The following GON4L variants were observed in gnomAD, a reference collection of about 807,000 sequenced individuals.
GON4L encodes gon-4 like, also known as GON-4-like protein.
Under a neutral mutation model 211.8 loss-of-function variants are expected in GON4L, and 87 were observed. The ratio of observed to expected loss-of-function variants is 0.41; its 90% CI spans 0.35 to 0.49. The LOEUF (loss-of-function observed/expected upper bound fraction) is 0.49, where lower values mean the gene tolerates loss of function less well. Ranked by LOEUF, GON4L falls within the 20% of genes least tolerant of loss-of-function variation. GON4L has a pLI of 0.15. For missense variants in GON4L, 2,155 were observed against 2,659.5 expected (o/e 0.81, Z 4.17); for synonymous variants, 875 against 962.6 (o/e 0.91, Z 1.68).
intron 2 of GON4L, chr1:155,845,376 G>C (rs1331331688): frequency 3.8e-6 from 1 of 263,578 alleles, no homozygotes; most frequent in Non-Finnish European, 7.6e-6. Flanking sequence ...TGTATCATGA[G>C]GCTGGACCTG....
Position 155,765,921 on chromosome 1 carries a change from C to T in GON4L, c.3552G>A (p.Leu1184=). 2 of 1,614,078 alleles carry T rather than the reference C, an allele frequency of 1.2e-6. No individual in the cohort carries two copies. The highest frequency in any genetic ancestry group is 1.7e-5 in the Admixed American group (1 of 60,002). ...GACAGGGGAAGGAAGTAGGGTTAAC[C>T]AAGAGGGTAGTGATGGGAATAGTCT... is the stretch of plus-strand genomic sequence containing the variant. ...SPQTIPITTL[L]VNPTSFPCPL... Residue 1184 remains leucine, a synonymous_variant, in exon 21 of 32, where the codon TTG becomes TTA. Coordinates refer to ENST00000368331, the MANE Select transcript of GON4L (RefSeq NM_001282860.2).
chr1:155,752,698 G>C, intron 29 of GON4L, 108 bp from the exon 30 acceptor site: 2 of 1,514,376 alleles, frequency 1.3e-6, no homozygotes, highest in Admixed American at 3.9e-5. Context: ...TAAAAAAGAG[G>C]GCTGGGCATG....
intron 10 of GON4L, among the ~76,000 whole-genome samples, chr1:155,810,514 T>C (rs1667654210): frequency 6.6e-6 from 1 of 151,012 alleles, no homozygotes; most frequent in South Asian, 2.1e-4. Flanking sequence ...GAGACCATCC[T>C]GGCTAACACA....
At position 155,766,096 on chromosome 1, in the gene GON4L, T is replaced by G. The variant is rs141121842; in HGVS notation, c.3377A>C (p.Lys1126Thr). 2,856 of 1,614,154 alleles carry G rather than the reference T, an allele frequency of 1.8e-3. 6 individuals carry two copies. The highest frequency in any genetic ancestry group is 2.0e-3 in the Non-Finnish European group (2,370 of 1,180,016). ...RRRPSKRRGV[K>T]ASPCMKPAPV... is the part of the protein sequence containing the mutation. ...GGCAGGTTTCATACAGGGAGAGGCC[T>G]TGACTCCTCTTCTCTTTGAGGGTCT... The change falls in exon 21 of 32, where the codon AAG (lysine) becomes ACG (threonine). Residue 1126 changes from lysine (K) to threonine (T), a missense_variant. Lys to Thr is a moderately conservative substitution (Grantham distance 78, BLOSUM62 -1). Coordinates refer to ENST00000368331, the MANE Select transcript of GON4L (RefSeq NM_001282860.2).
intron 10 of GON4L, among the ~76,000 whole-genome samples, chr1:155,807,703 C>CAAAAA (rs61248477): frequency 0.082 from 4,315 of 52,864 alleles, 1,277 homozygotes; most frequent in East Asian, 0.66. Flanking sequence ...GACTCCGTCT[C>CAAAAA]AAAAAAAAAA....
At chr1:155,834,089 G>A (rs1223638891) in intron 2 of GON4L, among the ~76,000 whole-genome samples, 1 of 152,052 alleles carries the variant, frequency 6.6e-6, no homozygotes, top group Non-Finnish European at 1.5e-5. Flanking sequence ...CTTCCAAAGT[G>A]TTGGGATTAC....
At chr1:155,775,774 T>C (rs755174183) in intron 16 of GON4L, among the ~76,000 whole-genome samples, 7 of 151,940 alleles carry the variant, frequency 4.6e-5, no homozygotes, top group Admixed American at 6.6e-5. Flanking sequence ...TTAGGACTAT[T>C]ACTTTTATTT....
rs747379703 is a variant in GON4L, at chr1:155,765,337, T to A, written c.4136A>T (p.Lys1379Met). Reference protein sequence around the residue: ...GEVTKQTVLQKEEERSQPTKT... With the variant: ...GEVTKQTVLQMEEERSQPTKT... ...AGTTGGCTGACTCCTCTCCTCTTCC[T>A]TCTGTAAGACTGTCTGTTTCGTTAC... The change falls in exon 21 of 32, where the codon AAG (lysine) becomes ATG (methionine). Residue 1379 changes from lysine (K) to methionine (M), a missense_variant. Physicochemically the swap from Lys to Met is moderately conservative, Grantham distance 95. Around this residue, in one of 6 missense-constraint regions of GON4L, gnomAD observed 615 missense variants for 625.7 expected, o/e 0.98. Transcript: ENST00000368331. 1.9e-6 allele frequency: 3 copies of A among 1,614,228 alleles called. No individual in the cohort carries two copies. Among genetic ancestry groups the A allele is most frequent in the African/African-American group, 1.3e-5 (1 of 75,062 alleles).
chr1:155,847,997 T>C (rs11264417), intron 2 of GON4L, among the ~76,000 whole-genome samples: 133,497 of 144,012 alleles, frequency 0.93, 62,576 homozygotes, highest in Non-Finnish European at 1. Flanking sequence ...TGGTTTAAAA[T>C]GGGAGGATCT....
At chr1:155,746,985 A>G (rs1239221217), downstream of GON4L, 1 of 1,591,892 alleles carries the variant, frequency 6.3e-7, no homozygotes, top group Non-Finnish European at 8.5e-7. Context: ...ATATTTTGGG[A>G]AAAAGCACTC....
At chr1:155,782,884 C>T (rs1408556114) in intron 14 of GON4L, among the ~76,000 whole-genome samples, 1 of 152,022 alleles carries the variant, frequency 6.6e-6, no homozygotes, top group Non-Finnish European at 1.5e-5. Context: ...GGTCTCGACT[C>T]CTAACCTGAG....
In GON4L at chr1:155,800,533, G is replaced by A. The variant is rs144478188; in HGVS notation, c.1645+4416C>T. Among the ~76,000 whole-genome samples the A allele has an allele frequency of 5.5e-3, 828 of 150,686 alleles. 4 individuals are homozygous for A. The highest frequency in any genetic ancestry group is 9.2e-3 in the Non-Finnish European group (621 of 67,764). ...GATCGCGCCACTGCACTCCAGCCTG[G>A]GGGACAAGAGTGAAACTCTCTCAAA... On this transcript the variant is annotated intron_variant, in intron 11 of 31. Transcript: ENST00000368331.
At chr1:155,775,799 T>C (rs1423539941) in intron 16 of GON4L, among the ~76,000 whole-genome samples, 2 of 152,122 alleles carry the variant, frequency 1.3e-5, no homozygotes, top group African/African-American at 4.8e-5. Flanking sequence ...TATTTATTTA[T>C]TTTGAGACTG....
intron 2 of GON4L, among the ~76,000 whole-genome samples, chr1:155,849,600 C>T (rs530319797): frequency 4.7e-5 from 7 of 149,040 alleles, no homozygotes; most frequent in Non-Finnish European, 8.9e-5. Context: ...ATGGTGAAAC[C>T]CCGTCTCTAC....
Position 155,771,240 on chromosome 1 carries a change from A to C in GON4L, c.2496-23T>G, listed in dbSNP as rs375168402. ...AAACTGAGAAAGGAGAATAACACTA[A>C]ATCTCACTTCACAGTCCTTCCTTCT... On this transcript the variant is annotated intron_variant, in intron 18 of 31. Transcript: ENST00000368331. The C allele has an allele frequency of 1.1e-5, 17 of 1,613,322 alleles. No individual in the cohort carries two copies. The African/African-American group carries it at 1.6e-4, about 15-fold the overall frequency.
At chr1:155,787,527 C>A (rs1055107820) in intron 12 of GON4L, among the ~76,000 whole-genome samples, 3 of 152,180 alleles carry the variant, frequency 2.0e-5, no homozygotes, top group African/African-American at 7.2e-5. Flanking sequence ...AATTCCAGCA[C>A]TTTAGGAGGC....
chr1:155,754,268 G>A (rs764942520), intron 28 of GON4L, 107 bp downstream of exon 28: 2 of 779,038 alleles, frequency 2.6e-6, no homozygotes, highest in Admixed American at 1.7e-5. Context: ...TATACTGAAT[G>A]TTATTTATAT....
At chr1:155,769,371 A>G (rs1662925454) in intron 19 of GON4L, among the ~76,000 whole-genome samples, 1 of 152,228 alleles carries the variant, frequency 6.6e-6, no homozygotes, top group Non-Finnish European at 1.5e-5. Flanking sequence ...ACAGATGTAG[A>G]ATTCAGGAAA....
chr1:155,795,189 G>T, intron 11 of GON4L, 38 bp from the exon 12 acceptor site: 2 of 1,059,742 alleles, frequency 1.9e-6, no homozygotes, highest in Non-Finnish European at 1.5e-6. Context: ...CATTAACTCT[G>T]TTCTCAAACT....
Sources: allele counts gnomAD v4.1 joint callset (sites outside exome capture counted in the v4.1 genomes callset), GRCh38; gene constraint gnomAD v4.1.1; regional missense constraint gnomAD v4.1.1; transcripts MANE v1.5; gene names NCBI Gene and HGNC (gene_info 2026-07-23, HGNC 2026-07-21).